SEL1L2: variants seen among roughly 807,000 people sequenced by gnomAD.
SEL1L2 encodes SEL1L2 adaptor subunit of SYVN1 ubiquitin ligase.
A neutral mutation model predicts 98.8 loss-of-function variants in SEL1L2; 89 were observed. That is an observed-to-expected ratio of 0.90 (90% CI 0.76 to 1.07). The LOEUF (loss-of-function observed/expected upper bound fraction) is 1.07, where lower values mean the gene tolerates loss of function less well. Among genes scored for constraint, SEL1L2 ranks in the 50% least tolerant of loss-of-function variants. The pLI, the probability that SEL1L2 is intolerant of heterozygous loss-of-function variation, is 0.00. For synonymous variants in SEL1L2, 262 were observed against 278.5 expected (o/e 0.94, Z 0.59); for missense variants, 788 against 812.0 (o/e 0.97, Z 0.36).
intron 5 of SEL1L2, among the ~76,000 whole-genome samples, chr20:13,889,209 A>G (rs912195180): frequency 1.3e-4 from 19 of 151,446 alleles, no homozygotes; most frequent in African/African-American, 4.6e-4. Context: ...ATCTAAGGCC[A>G]GGCTGACCTC....
At chr20:13,909,259 C>A (rs1441026963) in intron 5 of SEL1L2, among the ~76,000 whole-genome samples, 2 of 152,212 alleles carry the variant, frequency 1.3e-5, no homozygotes, top group African/African-American at 4.8e-5. Flanking sequence ...AAGGTGGTCA[C>A]TGGGCCAGCC....
At chr20:13,886,839 G>A (rs1026076497) in intron 8 of SEL1L2, among the ~76,000 whole-genome samples, 1 of 151,598 alleles carries the variant, frequency 6.6e-6, no homozygotes, top group African/African-American at 2.4e-5. Context: ...AGTGAGCCGA[G>A]ATTGAGCCAC....
chr20:13,929,977 GA>G (rs2049070909), intron 3 of SEL1L2, among the ~76,000 whole-genome samples: 1 of 152,128 alleles, frequency 6.6e-6, no homozygotes, highest in Non-Finnish European at 1.5e-5. Flanking sequence ...TTTTGGTAGA[GA>G]CAAGGTTTCA....
chr20:13,961,328 T>G (rs373519009), intron 1 of SEL1L2, among the ~76,000 whole-genome samples: 31 of 152,334 alleles, frequency 2.0e-4, no homozygotes, highest in Middle Eastern at 3.4e-3. Context: ...ATGGGACATA[T>G]CAATTTACAT....
chr20:13,900,487 G>A (rs1359395882), intron 5 of SEL1L2, among the ~76,000 whole-genome samples: 2 of 152,148 alleles, frequency 1.3e-5, no homozygotes, highest in Non-Finnish European at 2.9e-5. Context: ...AGTTCCTGGA[G>A]AAGCTCGGCC....
chr20:13,901,782 C>T (rs944598212), intron 5 of SEL1L2, among the ~76,000 whole-genome samples: 13 of 151,942 alleles, frequency 8.6e-5, no homozygotes, highest in African/African-American at 3.1e-4. Context: ...CTGCCTCAGC[C>T]TCCGGAGTAG....
At chr20:13,964,753 T>A (rs1258440076) in intron 1 of SEL1L2, among the ~76,000 whole-genome samples, 1 of 152,024 alleles carries the variant, frequency 6.6e-6, no homozygotes. Flanking sequence ...ATAGTCTTTT[T>A]TTTTCCTACT....
intron 10 of SEL1L2, among the ~76,000 whole-genome samples, chr20:13,877,789 GGAGA>G (rs1375923559): frequency 9.2e-5 from 14 of 152,156 alleles, no homozygotes; most frequent in African/African-American, 3.4e-4. Flanking sequence ...CTGAGGAGTG[GGAGA>G]GTGTCTATAT....
chr20:13,894,675 T>A (rs1412874854), intron 5 of SEL1L2, among the ~76,000 whole-genome samples: 1 of 152,150 alleles, frequency 6.6e-6, no homozygotes, highest in African/African-American at 2.4e-5. Flanking sequence ...ACATTACAAA[T>A]GATGCCACAG....
intron 1 of SEL1L2, among the ~76,000 whole-genome samples, chr20:13,961,992 T>C (rs2050799271): frequency 6.6e-6 from 1 of 152,204 alleles, no homozygotes; most frequent in South Asian, 2.1e-4. Context: ...TACAGGTGCC[T>C]GAATTAAAGA....
At chr20:13,876,767 G>A (rs1443360324) in intron 11 of SEL1L2, among the ~76,000 whole-genome samples, 1 of 152,152 alleles carries the variant, frequency 6.6e-6, no homozygotes, top group African/African-American at 2.4e-5. Flanking sequence ...GAGTGGGGTG[G>A]TCATAGGCTC....
intron 2 of SEL1L2, among the ~76,000 whole-genome samples, chr20:13,948,397 C>A (rs1268624922): frequency 1.3e-5 from 2 of 152,010 alleles, no homozygotes; most frequent in Non-Finnish European, 2.9e-5. Context: ...AAGAGTGCGG[C>A]ACAAAGATAG....
chr20:13,903,735 CG>C (rs1240087508), intron 5 of SEL1L2, among the ~76,000 whole-genome samples: 1 of 151,718 alleles, frequency 6.6e-6, no homozygotes, highest in Non-Finnish European at 1.5e-5. Flanking sequence ...CACTTGAACC[CG>C]GGGGGGAGAC....
chr20:13,987,707 TGC>T (rs1379412606), intron 1 of SEL1L2, among the ~76,000 whole-genome samples: 2 of 152,224 alleles, frequency 1.3e-5, no homozygotes, highest in Non-Finnish European at 2.9e-5. Context: ...TAACTCATTG[TGC>T]TTTTTGCTTT....
In SEL1L2 at chr20:13,869,198, C is replaced by T. The variant is rs184734972; in HGVS notation, c.1255+305G>A. Among the ~76,000 whole-genome samples the T allele has an allele frequency of 6.6e-4, 100 of 152,178 alleles. 1 individual carries two copies. Among genetic ancestry groups the T allele is most frequent in the Admixed American group, 1.4e-3 (21 of 15,268 alleles). On this transcript the variant is annotated intron_variant, in intron 14 of 19. Coordinates refer to ENST00000284951, the MANE Select transcript of SEL1L2 (RefSeq NM_025229.2). ...CTAATAGCTGCGTGCTGATGCCTCT[C>T]GAACCTTCTCTGTAAGTTTGACCTT... is the stretch of plus-strand genomic sequence containing the variant.
rs145308942 is a variant in SEL1L2, at chr20:13,929,043, A to C, written c.283+2560T>G. ...ATTCTAGATAATCTGGGTTGGCCCG[A>C]TTCCATCAGTTGCAAAGCCTTAAGA... On this transcript the variant is annotated intron_variant, in intron 3 of 19. Transcript: ENST00000284951. Among the ~76,000 whole-genome samples, 225 of 152,226 alleles carry C rather than the reference A, an allele frequency of 1.5e-3. 3 individuals carry two copies. Among genetic ancestry groups the C allele is most frequent in the African/African-American group, 5.1e-3 (213 of 41,548 alleles).
chr20:13,930,945 A>G (rs2049116493), intron 3 of SEL1L2, among the ~76,000 whole-genome samples: 3 of 152,086 alleles, frequency 2.0e-5, no homozygotes, highest in Admixed American at 2.0e-4. Context: ...AGCCCGGGCA[A>G]CATAGCAAGC....
At chr20:13,870,512 A>T (rs1568858915) in intron 12 of SEL1L2, among the ~76,000 whole-genome samples, 1 of 152,148 alleles carries the variant, frequency 6.6e-6, no homozygotes, top group Admixed American at 6.5e-5. Flanking sequence ...TAAAAGATGA[A>T]GAAGCCATGA....
rs543499994 is a variant in SEL1L2, at chr20:13,982,884, C to T, written c.58+7593G>A. Reference sequence around the variant, plus strand: ...ACTAAAAATACAAAAATTAGCTGGGCGTGGTGGTGAGCACCTGTAGTCCCA... The same window carrying T: ...ACTAAAAATACAAAAATTAGCTGGGTGTGGTGGTGAGCACCTGTAGTCCCA... On this transcript the variant is annotated intron_variant, in intron 1 of 19. Transcript: ENST00000284951. 2.6e-5 allele frequency among the ~76,000 whole-genome samples: 4 copies of T among 151,182 alleles called. No individual in the cohort carries two copies. The South Asian group carries it at 6.3e-4, about 24-fold the overall frequency.
Sources: gnomAD v4.1 joint callset for allele counts (sites outside exome capture counted in the v4.1 genomes callset) on GRCh38, gnomAD v4.1.1 for gene constraint, MANE v1.5 for transcripts, NCBI Gene and HGNC (gene_info 2026-07-23, HGNC 2026-07-21) for gene names.